The following PRRG1 variants were observed in gnomAD, a reference collection of about 807,000 sequenced individuals.
PRRG1 encodes transmembrane gamma-carboxyglutamic acid protein 1.
PRRG1 carries 5 observed loss-of-function variants against 11.8 expected under a neutral mutation model. The observed-to-expected ratio is 0.42, with a 90% CI of 0.22 to 0.89. The LOEUF (loss-of-function observed/expected upper bound fraction) is 0.89. Among genes scored for constraint, PRRG1 ranks in the 40% least tolerant of loss-of-function variants. The pLI is 0.28. For synonymous variants in PRRG1, 66 were observed against 60.4 expected, an observed-to-expected ratio of 1.09 and a Z score of -0.43; for missense variants, 155 against 166.1, an observed-to-expected ratio of 0.93 and a Z score of 0.37.
intron 3 of PRRG1, among the ~76,000 whole-genome samples, chrX:37,448,936 G>A (rs924058415): frequency 2.7e-5 from 3 of 111,354 alleles, no homozygotes; most frequent in Non-Finnish European, 3.8e-5. Context: ...TCCACATTAT[G>A]TATCAGTTTA....
At chrX:37,436,458 G>T (rs2146621237) in intron 3 of PRRG1, among the ~76,000 whole-genome samples, 1 of 112,044 alleles carries the variant, frequency 8.9e-6, no homozygotes, top group African/African-American at 3.2e-5. Flanking sequence ...AACTACATTT[G>T]GAGATTGTGG....
chrX:37,435,141 T>C (rs1274335198), intron 3 of PRRG1, among the ~76,000 whole-genome samples: 2 of 110,730 alleles, frequency 1.8e-5, no homozygotes, highest in East Asian at 5.7e-4. Flanking sequence ...CTGGAGAACA[T>C]TGTGGTACCA....
chrX:37,412,883 A>G (rs1262392620), intron 2 of PRRG1, among the ~76,000 whole-genome samples: 2 of 111,581 alleles, frequency 1.8e-5, no homozygotes, highest in African/African-American at 6.5e-5. Flanking sequence ...GGCAAAATTT[A>G]TATAACATAG....
At chrX:37,433,568 GT>G (rs66691045) in intron 3 of PRRG1, among the ~76,000 whole-genome samples, 26,414 of 100,168 alleles carry the variant, frequency 0.26, 5,786 homozygotes, top group African/African-American at 0.71. Flanking sequence ...ACATCTATTT[GT>G]TTTTTTTTTT....
At chrX:37,445,593 T>C (rs1556394983) in intron 3 of PRRG1, among the ~76,000 whole-genome samples, 1 of 112,759 alleles carries the variant, frequency 8.9e-6, no homozygotes, top group Non-Finnish European at 1.9e-5. Flanking sequence ...ACCAAAAACT[T>C]ACTGTAACTT....
chrX:37,408,500 G>C (rs782065340), intron 2 of PRRG1, among the ~76,000 whole-genome samples: 1 of 111,258 alleles, frequency 9.0e-6, no homozygotes, highest in Admixed American at 9.5e-5. Context: ...GATATGTGGG[G>C]GTGGCCATGT....
Position 37,455,403 on chromosome X carries a change from C to T in PRRG1, c.*1782C>T, listed in dbSNP as rs1921313904. 1 of 112,015 alleles carries T rather than the reference C, an allele frequency of 8.9e-6. No individual in the cohort carries two copies. The highest frequency in any genetic ancestry group is 1.9e-5 in the Non-Finnish European group (1 of 53,216). 9.2% of individuals were successfully genotyped at this position (112,015 alleles called of 1,213,427 possible). On this transcript the variant is annotated 3_prime_UTR_variant, in exon 4 of 4. Transcript: ENST00000378628. ...TTATTGTGCTTCATGGAGAATTTTC[C>T]CCTCTGTTTTCCTAAATTGTATGAG...
At chrX:37,417,859 G>A (rs181636815) in intron 2 of PRRG1, among the ~76,000 whole-genome samples, 1 of 111,871 alleles carries the variant, frequency 8.9e-6, no homozygotes, top group East Asian at 2.8e-4. Context: ...GCACAGGATT[G>A]GGTGGAATGG....
chrX:37,377,422 C>G (rs1250888382), intron 1 of PRRG1, among the ~76,000 whole-genome samples: 1 of 111,835 alleles, frequency 8.9e-6, no homozygotes, highest in African/African-American at 3.2e-5. Flanking sequence ...TAGAGAGTCT[C>G]AAGTAATTAA....
At chrX:37,399,741 C>T (rs1210460917) in intron 1 of PRRG1, among the ~76,000 whole-genome samples, 2 of 105,938 alleles carry the variant, frequency 1.9e-5, no homozygotes, top group Non-Finnish European at 3.9e-5. Flanking sequence ...AAACCCATCT[C>T]ACGTTCAGAG....
In PRRG1 at chrX:37,411,058, A is replaced by G. The variant is rs73466265; in HGVS notation, c.10+4799A>G. On this transcript the variant is annotated intron_variant, in intron 2 of 3. Coordinates refer to ENST00000378628, the MANE Select transcript of PRRG1 (RefSeq NM_001142395.2). Reference sequence around the variant, plus strand: ...AGCATTATAATATAATCAGCCTTCCATATCTGTAGGTTCCACATCTGTAGA... The same window carrying G: ...AGCATTATAATATAATCAGCCTTCCGTATCTGTAGGTTCCACATCTGTAGA... Among the ~76,000 whole-genome samples, 189 of 112,094 alleles carry G rather than the reference A, an allele frequency of 1.7e-3. 2 individuals carry two copies. Among genetic ancestry groups the G allele is most frequent in the Non-Finnish European group, 2.6e-3 (138 of 53,216 alleles).
At chrX:37,438,358 A>G (rs1357818483) in intron 3 of PRRG1, among the ~76,000 whole-genome samples, 1 of 110,821 alleles carries the variant, frequency 9.0e-6, no homozygotes, top group African/African-American at 3.3e-5. Flanking sequence ...TTCATATTTT[A>G]ACTTCTCTGA....
At chrX:37,442,674 T>A (rs1429771856) in intron 3 of PRRG1, among the ~76,000 whole-genome samples, 2 of 111,320 alleles carry the variant, frequency 1.8e-5, no homozygotes, top group African/African-American at 3.3e-5. Flanking sequence ...CACTTTTTTT[T>A]AAAATAAGCA....
At chrX:37,361,759 A>G (rs1285087525) in intron 1 of PRRG1, among the ~76,000 whole-genome samples, 1 of 111,248 alleles carries the variant, frequency 9.0e-6, no homozygotes, top group Non-Finnish European at 1.9e-5. Context: ...ATCTCCTCCA[A>G]TCTGTCCCCA....
At chrX:37,355,509 A>C (rs115694808) in intron 1 of PRRG1, among the ~76,000 whole-genome samples, 4,208 of 111,928 alleles carry the variant, frequency 0.038, 201 homozygotes, top group African/African-American at 0.13. Flanking sequence ...GAAAATGGGA[A>C]TATGTAAAGG....
At chrX:37,383,479 A>G (rs1192175536) in intron 1 of PRRG1, among the ~76,000 whole-genome samples, 3 of 111,309 alleles carry the variant, frequency 2.7e-5, no homozygotes, top group African/African-American at 6.5e-5. Context: ...AACATTCACT[A>G]CAGTGACATG....
chrX:37,407,494 G>T (rs1932218823), intron 2 of PRRG1, among the ~76,000 whole-genome samples: 1 of 111,493 alleles, frequency 9.0e-6, no homozygotes, highest in East Asian at 2.8e-4. Context: ...ACAGTGAGAA[G>T]AATACTGGAT....
At chrX:37,434,385 C>T (rs1402043493) in intron 3 of PRRG1, among the ~76,000 whole-genome samples, 1 of 112,054 alleles carries the variant, frequency 8.9e-6, no homozygotes, top group African/African-American at 3.2e-5. Context: ...AATGAATAGG[C>T]TGCTCCTCAT....
chrX:37,363,897 T>A (rs1278697289), intron 1 of PRRG1, among the ~76,000 whole-genome samples: 1 of 112,040 alleles, frequency 8.9e-6, no homozygotes, highest in Non-Finnish European at 1.9e-5. Context: ...CCAGTCAAAA[T>A]TTTTCCCTGA....
Sources: allele counts gnomAD v4.1 joint callset (sites outside exome capture counted in the v4.1 genomes callset), GRCh38; gene constraint gnomAD v4.1.1; transcripts MANE v1.5; gene names NCBI Gene and HGNC (gene_info 2026-07-23, HGNC 2026-07-21).